PRKCB: variants seen among roughly 807,000 people sequenced by gnomAD.
PRKCB encodes protein kinase C beta type.
PRKCB carries 13 observed loss-of-function variants against 81.5 expected under a neutral mutation model. The observed-to-expected ratio is 0.16, with a 90% CI of 0.10 to 0.25. The LOEUF is 0.25. Ranked by LOEUF, PRKCB falls within the 10% of genes least tolerant of loss-of-function variation. The probability of loss-of-function intolerance (pLI) is 1.00; values close to 1 mark genes in which losing one functional copy is unlikely to be tolerated. For missense variants in PRKCB, 509 were observed against 875.7 expected (o/e 0.58, Z 5.29); for synonymous variants, 335 against 321.4 (o/e 1.04, Z -0.45).
At chr16:23,960,049 A>G (rs779293272) in intron 2 of PRKCB, among the ~76,000 whole-genome samples, 2 of 152,130 alleles carry the variant, frequency 1.3e-5, no homozygotes, top group Non-Finnish European at 2.9e-5. Flanking sequence ...GTCCATAGGC[A>G]TGTCAGGCTG....
chr16:23,981,613 TC>T (rs1354262888), intron 2 of PRKCB, among the ~76,000 whole-genome samples: 23 of 148,096 alleles, frequency 1.6e-4, no homozygotes, highest in African/African-American at 5.1e-4. Context: ...CCCTTTCCTT[TC>T]CCTTTCCCTT....
intron 2 of PRKCB, among the ~76,000 whole-genome samples, chr16:23,847,578 G>C (rs369496284): frequency 4.4e-5 from 1 of 22,650 alleles, no homozygotes; most frequent in Non-Finnish European, 9.9e-5. Context: ...CCATCCATCC[G>C]TCTGGCTATC....
intron 8 of PRKCB, among the ~76,000 whole-genome samples, chr16:24,120,364 A>G (rs140707255): frequency 8.5e-5 from 13 of 152,200 alleles, no homozygotes; most frequent in African/African-American, 2.9e-4. Context: ...ACATGAATAA[A>G]GAGAAAATGG....
At chr16:24,182,261 G>A (rs750104689) in intron 13 of PRKCB, among the ~76,000 whole-genome samples, 7 of 152,136 alleles carry the variant, frequency 4.6e-5, no homozygotes, top group Admixed American at 1.3e-4. Flanking sequence ...GCTCACTCCT[G>A]TAATCTCAGC....
chr16:23,836,381 C>G (rs767771504), intron 1 of PRKCB, 33 bp downstream of exon 1: 1 of 1,589,526 alleles, frequency 6.3e-7, no homozygotes, highest in East Asian at 2.4e-5. Flanking sequence ...CCTTCCCGGG[C>G]CCCCGAGGGC....
intron 2 of PRKCB, among the ~76,000 whole-genome samples, chr16:23,976,018 A>G (rs1205748306): frequency 2.0e-5 from 3 of 152,100 alleles, no homozygotes; most frequent in African/African-American, 7.2e-5. Context: ...TTCATTCTCA[A>G]AAAAACTTTT....
chr16:24,176,344 T>G (rs1050582282), intron 12 of PRKCB, among the ~76,000 whole-genome samples: 2 of 152,048 alleles, frequency 1.3e-5, no homozygotes, highest in African/African-American at 2.4e-5. Flanking sequence ...GCCCAGGAGT[T>G]CGAAACTGCA....
At chr16:24,036,427 C>T (rs1965619838) in intron 5 of PRKCB, among the ~76,000 whole-genome samples, 1 of 152,108 alleles carries the variant, frequency 6.6e-6, no homozygotes, top group Non-Finnish European at 1.5e-5. Context: ...TAGTGACAAA[C>T]TACTGTGGAC....
chr16:24,197,069 C>T (rs919122573), intron 16 of PRKCB, among the ~76,000 whole-genome samples: 3 of 152,102 alleles, frequency 2.0e-5, no homozygotes, highest in African/African-American at 7.2e-5. Flanking sequence ...ATTGAGTTAT[C>T]CATTCAGTGG....
intron 8 of PRKCB, among the ~76,000 whole-genome samples, chr16:24,115,777 G>A (rs1214685775): frequency 6.6e-6 from 1 of 152,146 alleles, no homozygotes; most frequent in Non-Finnish European, 1.5e-5. Flanking sequence ...CCAGGCTGGA[G>A]TGCACTGGTG....
Position 24,067,709 on chromosome 16 carries a change from G to A in PRKCB, c.530-25082G>A, listed in dbSNP as rs535481136. On this transcript the variant is annotated intron_variant, in intron 5 of 16. Coordinates refer to ENST00000643927, the MANE Select transcript of PRKCB (RefSeq NM_002738.7). ...TGGACAGGTGTGGTGGCTCATGCCTGTAATCTCAGCACTTTGGGAGGACAA... is the reference window on the plus strand; with the variant it reads ...TGGACAGGTGTGGTGGCTCATGCCTATAATCTCAGCACTTTGGGAGGACAA... Among the ~76,000 whole-genome samples the A allele has an allele frequency of 3.3e-5, 5 of 152,268 alleles. No homozygotes were observed. The South Asian group carries it at 1.0e-3, about 32-fold the overall frequency.
chr16:23,850,914 G>A (rs573195867), intron 2 of PRKCB, among the ~76,000 whole-genome samples: 2 of 152,216 alleles, frequency 1.3e-5, no homozygotes, highest in African/African-American at 4.8e-5. Context: ...CCATTTGTGT[G>A]TCTTCTTTTG....
At chr16:24,072,603 TGGAG>T (rs1966125394) in intron 5 of PRKCB, among the ~76,000 whole-genome samples, 1 of 148,752 alleles carries the variant, frequency 6.7e-6, no homozygotes, top group African/African-American at 2.5e-5. Context: ...TTTTTTGAGA[TGGAG>T]TTTCCCTCTT....
At chr16:23,935,884 G>A (rs996909018) in intron 2 of PRKCB, among the ~76,000 whole-genome samples, 4 of 152,154 alleles carry the variant, frequency 2.6e-5, no homozygotes, top group African/African-American at 7.2e-5. Context: ...GTTAGAGGGA[G>A]GGGTGGGTTT....
intron 2 of PRKCB, among the ~76,000 whole-genome samples, chr16:23,848,206 T>G (rs955809379): frequency 6.6e-6 from 1 of 152,176 alleles, no homozygotes; most frequent in Non-Finnish European, 1.5e-5. Context: ...AGGAAGTGGT[T>G]GTTGTCACTG....
chr16:24,140,840 G>T lies in PRKCB; in HGVS notation c.1066-13844G>T, dbSNP rs370637788. Among the ~76,000 whole-genome samples, 6 of 152,204 alleles carry T rather than the reference G, an allele frequency of 3.9e-5. No individual in the cohort carries two copies. In the East Asian group the frequency reaches 1.2e-3, roughly 29 times the overall value. Reference sequence around the variant, plus strand: ...AGGCTCCTTTCATCCTCCTAACTTGGCAGTCTTTCATTAGTTTTACAAAGG... The same window carrying T: ...AGGCTCCTTTCATCCTCCTAACTTGTCAGTCTTTCATTAGTTTTACAAAGG... On this transcript the variant is annotated intron_variant, in intron 9 of 16. Transcript: ENST00000643927.
intron 2 of PRKCB, among the ~76,000 whole-genome samples, chr16:23,965,655 C>T (rs567619682): frequency 6.6e-6 from 1 of 152,232 alleles, no homozygotes; most frequent in Non-Finnish European, 1.5e-5. Flanking sequence ...CAAAATGCAA[C>T]ATCGCTGTGA....
intron 2 of PRKCB, among the ~76,000 whole-genome samples, chr16:23,929,872 A>T (rs924357149): frequency 1.3e-5 from 2 of 152,130 alleles, no homozygotes; most frequent in East Asian, 1.9e-4. Context: ...TAGAAGGAGA[A>T]GATTTTGGGC....
intron 2 of PRKCB, among the ~76,000 whole-genome samples, chr16:23,960,051 G>A (rs1229633841): frequency 6.6e-6 from 1 of 152,146 alleles, no homozygotes; most frequent in Non-Finnish European, 1.5e-5. Context: ...CCATAGGCAT[G>A]TCAGGCTGTG....
Sources: allele counts gnomAD v4.1 joint callset (sites outside exome capture counted in the v4.1 genomes callset), GRCh38; gene constraint gnomAD v4.1.1; transcripts MANE v1.5; gene names NCBI Gene and HGNC (gene_info 2026-07-23, HGNC 2026-07-21).